The following KCNAB1 variants were observed in gnomAD, a reference collection of about 807,000 sequenced individuals.
KCNAB1 encodes the protein potassium voltage-gated channel subfamily A regulatory beta subunit 1.
Under a neutral mutation model 64.6 loss-of-function variants are expected in KCNAB1, and 35 were observed. That is an observed-to-expected ratio of 0.54 (90% confidence interval 0.41 to 0.72). The LOEUF is 0.72. KCNAB1 is among the 30% of genes least tolerant of loss of function. KCNAB1 has a pLI of 0.00. For synonymous variants in KCNAB1, 177 were observed against 183.8 expected (o/e 0.96, Z 0.30); for missense variants, 401 against 512.9 (o/e 0.78, Z 2.11).
At chr3:156,315,489 A>G (rs1158249278) in intron 1 of KCNAB1, among the ~76,000 whole-genome samples, 2 of 152,202 alleles carry the variant, frequency 1.3e-5, no homozygotes, top group Admixed American at 6.5e-5. Context: ...TACAGATACA[A>G]GCACTGGTTC....
At chr3:156,176,884 G>A in intron 1 of KCNAB1, 1 of 1,161,244 alleles carries the variant, frequency 8.6e-7, no homozygotes, top group Non-Finnish European at 1.3e-6. Context: ...GGTAACTCTG[G>A]GCCTGTACGC....
chr3:156,161,336 C>G lies in KCNAB1; in HGVS notation c.275+40450C>G, dbSNP rs553336925. Among the ~76,000 whole-genome samples the G allele has an allele frequency of 1.4e-4, 22 of 152,334 alleles. No homozygotes were observed. In the South Asian group the frequency reaches 4.6e-3, roughly 32 times the overall value. ...CACCATGTACTTCCTTTAAAAAACC[C>G]TGTGATCTTTACCACATGTTTATTT... On this transcript the variant is annotated intron_variant, in intron 1 of 13. Transcript: ENST00000490337.
At chr3:156,290,672 G>A (rs1050502419) in intron 1 of KCNAB1, among the ~76,000 whole-genome samples, 2 of 152,206 alleles carry the variant, frequency 1.3e-5, no homozygotes, top group African/African-American at 4.8e-5. Flanking sequence ...TCAGTGGGCA[G>A]TGTATGTGGT....
chr3:156,318,619 C>T (rs1158674894), intron 1 of KCNAB1, among the ~76,000 whole-genome samples: 1 of 152,158 alleles, frequency 6.6e-6, no homozygotes, highest in Admixed American at 6.5e-5. Context: ...ACACAGTAAG[C>T]TCTCAAAAAG....
At chr3:156,308,837 G>A (rs1721686289) in intron 1 of KCNAB1, among the ~76,000 whole-genome samples, 1 of 152,060 alleles carries the variant, frequency 6.6e-6, no homozygotes, top group South Asian at 2.1e-4. Flanking sequence ...TCTTTGTTCT[G>A]AACAGCTATT....
intron 1 of KCNAB1, among the ~76,000 whole-genome samples, chr3:156,417,199 TA>T (rs1377095878): frequency 6.6e-6 from 1 of 152,220 alleles, no homozygotes; most frequent in African/African-American, 2.4e-5. Flanking sequence ...TGTACATTAT[TA>T]AATGTGCATT....
intron 2 of KCNAB1, among the ~76,000 whole-genome samples, chr3:156,425,588 G>A (rs530551797): frequency 2.6e-5 from 4 of 152,262 alleles, no homozygotes; most frequent in South Asian, 2.1e-4. Context: ...AACTCACCCC[G>A]ATCTGATAGG....
At chr3:156,287,324 C>G (rs973812659) in intron 1 of KCNAB1, among the ~76,000 whole-genome samples, 1 of 149,656 alleles carries the variant, frequency 6.7e-6, no homozygotes, top group East Asian at 2.0e-4. Flanking sequence ...TTATTTGGCC[C>G]CGTGCAATGT....
At chr3:156,339,640 T>C (rs1285183459) in intron 1 of KCNAB1, among the ~76,000 whole-genome samples, 3 of 152,334 alleles carry the variant, frequency 2.0e-5, no homozygotes, top group South Asian at 2.1e-4. Context: ...CCTGTGTCCA[T>C]TGTCTGTCAA....
intron 1 of KCNAB1, among the ~76,000 whole-genome samples, chr3:156,230,695 G>A (rs1576628230): frequency 6.6e-6 from 1 of 152,070 alleles, no homozygotes; most frequent in Admixed American, 6.5e-5. Flanking sequence ...GTAAACACGA[G>A]GGATGATGAG....
chr3:156,495,413 T>A (rs1433517715), intron 8 of KCNAB1, among the ~76,000 whole-genome samples: 1 of 152,180 alleles, frequency 6.6e-6, no homozygotes, highest in Non-Finnish European at 1.5e-5. Flanking sequence ...CATTCTATTA[T>A]AAAGATACAT....
chr3:156,365,562 T>C (rs1365278315), intron 1 of KCNAB1, among the ~76,000 whole-genome samples: 2 of 152,340 alleles, frequency 1.3e-5, no homozygotes, highest in East Asian at 1.9e-4. Context: ...GTTGTAATCA[T>C]GGTGATTGCA....
At chr3:156,467,126 A>C (rs1013044986) in intron 7 of KCNAB1, among the ~76,000 whole-genome samples, 4 of 152,162 alleles carry the variant, frequency 2.6e-5, no homozygotes, top group African/African-American at 9.6e-5. Flanking sequence ...CACAAAGCCT[A>C]TTTTATAATA....
At chr3:156,371,505 T>C (rs1244682652) in intron 1 of KCNAB1, among the ~76,000 whole-genome samples, 1 of 152,176 alleles carries the variant, frequency 6.6e-6, no homozygotes, top group Non-Finnish European at 1.5e-5. Flanking sequence ...ACTGCTGATA[T>C]CGTTTTTTCA....
At chr3:156,501,877 G>C (rs1252308752) in intron 8 of KCNAB1, among the ~76,000 whole-genome samples, 1 of 152,136 alleles carries the variant, frequency 6.6e-6, no homozygotes, top group African/African-American at 2.4e-5. Context: ...GGAGGTGAAT[G>C]GCACTTCTTA....
chr3:156,288,855 G>A (rs1720238518), intron 1 of KCNAB1, among the ~76,000 whole-genome samples: 1 of 152,142 alleles, frequency 6.6e-6, no homozygotes, highest in Non-Finnish European at 1.5e-5. Flanking sequence ...AGAACGTGCA[G>A]GATTTTCTTT....
intron 1 of KCNAB1, among the ~76,000 whole-genome samples, chr3:156,243,200 A>C (rs1309868562): frequency 6.7e-6 from 1 of 149,072 alleles, no homozygotes; most frequent in African/African-American, 2.5e-5. Context: ...GAGCCACCGC[A>C]CCTGGCCGAT....
At chr3:156,479,767 TATTA>T (rs932120983) in intron 8 of KCNAB1, among the ~76,000 whole-genome samples, 1 of 152,114 alleles carries the variant, frequency 6.6e-6, no homozygotes, top group Non-Finnish European at 1.5e-5. Flanking sequence ...CGGTTCCAGT[TATTA>T]ATTTTTTCCT....
intron 11 of KCNAB1, among the ~76,000 whole-genome samples, chr3:156,520,210 T>C (rs1342486827): frequency 6.6e-6 from 1 of 152,204 alleles, no homozygotes. Flanking sequence ...AGACCAGGTG[T>C]ATAGCTTCTA....
Sources: allele counts gnomAD v4.1 joint callset (sites outside exome capture counted in the v4.1 genomes callset), GRCh38; gene constraint gnomAD v4.1.1; transcripts MANE v1.5; gene names NCBI Gene and HGNC (gene_info 2026-07-23, HGNC 2026-07-21).